Variants in ADAMTS12 observed in about 807,000 individuals in gnomAD.
ADAMTS12 encodes A disintegrin and metalloproteinase with thrombospondin motifs 12.
Under a neutral mutation model 167.8 loss-of-function variants are expected in ADAMTS12, and 118 were observed. The ratio of observed to expected loss-of-function variants is 0.70; its 90% CI spans 0.61 to 0.82. The LOEUF (loss-of-function observed/expected upper bound fraction) is 0.82. Ranked by LOEUF, ADAMTS12 falls within the 40% of genes least tolerant of loss-of-function variation. ADAMTS12 has a pLI of 0.00. For synonymous variants in ADAMTS12, 704 were observed against 716.9 expected, an observed-to-expected ratio of 0.98 and a Z score of 0.29; for missense variants, 1,916 against 1,998.8, an observed-to-expected ratio of 0.96 and a Z score of 0.79.
intron 16 of ADAMTS12, among the ~76,000 whole-genome samples, chr5:33,610,616 T>C (rs1320262565): frequency 3.3e-5 from 5 of 152,198 alleles, no homozygotes; most frequent in African/African-American, 4.8e-5. Flanking sequence ...TACTTTTAGG[T>C]AGACATATTA....
intron 3 of ADAMTS12, among the ~76,000 whole-genome samples, chr5:33,725,950 G>A (rs76172532): frequency 0.017 from 2,556 of 152,270 alleles, 70 homozygotes; most frequent in African/African-American, 0.059. Flanking sequence ...GAGAATCAGA[G>A]TTATCTTAGA....
intron 2 of ADAMTS12, among the ~76,000 whole-genome samples, chr5:33,855,854 G>A (rs1749379704): frequency 1.3e-5 from 2 of 152,188 alleles, no homozygotes; most frequent in Non-Finnish European, 2.9e-5. Flanking sequence ...AACCTCCGAC[G>A]TAGTTGGGAC....
At chr5:33,709,131 T>C (rs1743299631) in intron 3 of ADAMTS12, among the ~76,000 whole-genome samples, 1 of 152,030 alleles carries the variant, frequency 6.6e-6, no homozygotes, top group Admixed American at 6.5e-5. Flanking sequence ...ATTAGAGAAA[T>C]GCAAATCGAA....
chr5:33,596,407 C>A (rs776055730), intron 16 of ADAMTS12, among the ~76,000 whole-genome samples: 3 of 152,152 alleles, frequency 2.0e-5, no homozygotes, highest in African/African-American at 7.2e-5. Context: ...GTAGGTTGGG[C>A]GCAGTGGCTC....
At chr5:33,728,671 C>T (rs1744069678) in intron 3 of ADAMTS12, among the ~76,000 whole-genome samples, 1 of 152,202 alleles carries the variant, frequency 6.6e-6, no homozygotes, top group African/African-American at 2.4e-5. Context: ...CCACAAAACA[C>T]CTTAGCACCC....
chr5:33,723,808 C>G (rs1743885001), intron 3 of ADAMTS12, among the ~76,000 whole-genome samples: 1 of 152,220 alleles, frequency 6.6e-6, no homozygotes, highest in African/African-American at 2.4e-5. Context: ...ATGTGTTTTT[C>G]AAGCTGAAGC....
chr5:33,745,475 C>G (rs1377253807), intron 3 of ADAMTS12, among the ~76,000 whole-genome samples: 1 of 152,032 alleles, frequency 6.6e-6, no homozygotes, highest in African/African-American at 2.4e-5. Flanking sequence ...CCAAAGGCAC[C>G]CTCCCACCTT....
intron 2 of ADAMTS12, among the ~76,000 whole-genome samples, chr5:33,778,948 A>G (rs1456623880): frequency 2.6e-5 from 4 of 152,158 alleles, no homozygotes; most frequent in African/African-American, 9.6e-5. Flanking sequence ...CAAAACCACA[A>G]TGAGATACCA....
intron 2 of ADAMTS12, among the ~76,000 whole-genome samples, chr5:33,810,360 C>A (rs1392899383): frequency 6.6e-6 from 1 of 152,196 alleles, no homozygotes; most frequent in Non-Finnish European, 1.5e-5. Context: ...TTTAATCAGG[C>A]ATAACAACTA....
chr5:33,607,995 C>A (rs573571412), intron 16 of ADAMTS12, among the ~76,000 whole-genome samples: 1 of 152,036 alleles, frequency 6.6e-6, no homozygotes, highest in African/African-American at 2.4e-5. Context: ...GGAAATAGAC[C>A]CACACCTATA....
chr5:33,856,085 C>A (rs1749392961), intron 2 of ADAMTS12, among the ~76,000 whole-genome samples: 2 of 152,288 alleles, frequency 1.3e-5, no homozygotes, highest in East Asian at 3.9e-4. Context: ...ACAAACAGTT[C>A]TTCACTGGAG....
Position 33,656,166 on chromosome 5 carries a change from C to T in ADAMTS12, c.1190+2018G>A, listed in dbSNP as rs549862578. 2.8e-4 allele frequency among the ~76,000 whole-genome samples: 43 copies of T among 152,184 alleles called. No homozygotes were observed. The South Asian group carries it at 5.0e-3, about 18-fold the overall frequency. On this transcript the variant is annotated intron_variant, in intron 7 of 23. Transcript: ENST00000504830. ...CCACAATGCATCAGATAGTTCTGAA[C>T]GAGTGTTCAGTTTAAACTTACTACA... is the stretch of plus-strand genomic sequence containing the variant.
intron 19 of ADAMTS12, among the ~76,000 whole-genome samples, chr5:33,571,112 T>C (rs1178893678): frequency 6.6e-6 from 1 of 152,154 alleles, no homozygotes; most frequent in Non-Finnish European, 1.5e-5. Flanking sequence ...CTGAGTGACC[T>C]ACAAAGAGAC....
rs767454136 is a variant in ADAMTS12 at position 33,658,349 on chromosome 5, A to G, written c.1041-16T>C. Reference sequence around the variant, plus strand: ...GATGTCCTTTCTGAAAGCAGAGAATACAGAAGCTAAGGCGCCCAAAGGAAC... The same window carrying G: ...GATGTCCTTTCTGAAAGCAGAGAATGCAGAAGCTAAGGCGCCCAAAGGAAC... On this transcript the variant is annotated splice_polypyrimidine_tract_variant and intron_variant, in intron 6 of 23. Transcript: ENST00000504830. 14 of 1,611,700 alleles carry G rather than the reference A, an allele frequency of 8.7e-6. No homozygotes were observed. Among genetic ancestry groups the G allele is most frequent in the Non-Finnish European group, 2.5e-6 (3 of 1,178,532 alleles).
chr5:33,736,490 T>A (rs1744380101), intron 3 of ADAMTS12, among the ~76,000 whole-genome samples: 1 of 152,250 alleles, frequency 6.6e-6, no homozygotes, highest in Non-Finnish European at 1.5e-5. Flanking sequence ...TTCTGCAGAA[T>A]TTTTGTGTTC....
intron 13 of ADAMTS12, among the ~76,000 whole-genome samples, chr5:33,630,395 G>C (rs2112143633): frequency 6.6e-6 from 1 of 152,248 alleles, no homozygotes. Flanking sequence ...ATAGTCAATG[G>C]AGAATTAAAT....
At chr5:33,853,291 G>T (rs534854105) in intron 2 of ADAMTS12, among the ~76,000 whole-genome samples, 2 of 152,302 alleles carry the variant, frequency 1.3e-5, no homozygotes, top group East Asian at 1.9e-4. Context: ...AGCTGTCATT[G>T]TCTGTCCCAG....
chr5:33,769,879 C>T (rs1745677944), intron 2 of ADAMTS12, among the ~76,000 whole-genome samples: 1 of 152,122 alleles, frequency 6.6e-6, no homozygotes, highest in African/African-American at 2.4e-5. Flanking sequence ...TGCCTTCCTC[C>T]CATGGGTATT....
At position 33,561,058 on chromosome 5, in the gene ADAMTS12, CAGGG is replaced by C. The variant is rs1324680788; in HGVS notation, c.4090_4093del (p.Pro1364ValfsTer36). The C allele has an allele frequency of 6.2e-7, 1 of 1,614,140 alleles. No homozygotes were observed. Among genetic ancestry groups the C allele is most frequent in the Non-Finnish European group, 8.5e-7 (1 of 1,180,022 alleles). ...CCAGTTTCCCACTTTCCAGCCAGCA[CAGGG>C]ACGGAGGTGGCATCTTTTTGCAGGG... On this transcript the variant is annotated frameshift_variant, in exon 20 of 24. Transcript: ENST00000504830. LOFTEE classifies it high-confidence loss of function.
Sources: allele counts gnomAD v4.1 joint callset (sites outside exome capture counted in the v4.1 genomes callset), GRCh38; gene constraint gnomAD v4.1.1; transcripts MANE v1.5; gene names NCBI Gene and HGNC (gene_info 2026-07-23, HGNC 2026-07-21).